Variants in SP4 observed in about 807,000 individuals in gnomAD.
SP4 encodes transcription factor Sp4.
A neutral mutation model predicts 72.8 loss-of-function variants in SP4; 19 were observed. The ratio of observed to expected loss-of-function variants is 0.26; its 90% CI spans 0.18 to 0.38. The LOEUF is 0.38. Among genes scored for constraint, SP4 ranks in the 10% least tolerant of loss-of-function variants. SP4 has a pLI of 1.00. For synonymous variants in SP4, 395 were observed against 333.1 expected, an observed-to-expected ratio of 1.19 and a Z score of -2.02; for missense variants, 1,008 against 926.3, an observed-to-expected ratio of 1.09 and a Z score of -1.14.
chr7:21,430,523 A>G lies in SP4; in HGVS notation c.1358A>G (p.Gln453Arg). 2 of 1,614,258 alleles carry G rather than the reference A, an allele frequency of 1.2e-6. No individual in the cohort carries two copies. Among genetic ancestry groups the G allele is most frequent in the African/African-American group, 1.3e-5 (1 of 75,066 alleles). The change falls in exon 3 of 6, where the codon CAG becomes CGG. Residue 453 changes from glutamine (Q) to arginine (R), a missense_variant. Transcript: ENST00000222584. The stretch of plus-strand genomic sequence containing the variant: ...CAACTTCAAGCAGTAAATCCGACTC[A>G]GGTGCTTATCAGGGCTCCAACTTTA... ...NVQLQAVNPT[Q>R]VLIRAPTLTP...
chr7:21,428,190 C>T lies in SP4; in HGVS notation c.-62C>T. 1.4e-6 allele frequency: 1 copy of T among 707,204 alleles called. No homozygotes were observed. The highest frequency in any genetic ancestry group is 2.4e-6 in the Non-Finnish European group (1 of 414,510). 43.8% of individuals were successfully genotyped at this position (707,204 alleles called of 1,614,324 possible). A position where few individuals can be genotyped will look rare whatever the true frequency, so the allele number is the denominator to read the frequency against. On this transcript the variant is annotated 5_prime_UTR_variant, in exon 1 of 6. Coordinates refer to ENST00000222584, the MANE Select transcript of SP4 (RefSeq NM_003112.5). Reference sequence around the variant, plus strand: ...GGACCGGCCTCTCCTCCCGCCTCGCCCCCACCCCCACCCACCTCTATCCCA... The same window carrying T: ...GGACCGGCCTCTCCTCCCGCCTCGCTCCCACCCCCACCCACCTCTATCCCA...
At chr7:21,508,648 T>C (rs1436086362) in intron 5 of SP4, among the ~76,000 whole-genome samples, 1 of 151,980 alleles carries the variant, frequency 6.6e-6, no homozygotes, top group Admixed American at 6.6e-5. Flanking sequence ...TGTTTGTTTT[T>C]TTAAGTAGGC....
At position 21,429,284 on chromosome 7, in the gene SP4, G is replaced by A. The variant is rs757424555; in HGVS notation, c.124-5G>A. On this transcript the variant is annotated splice_region_variant and splice_polypyrimidine_tract_variant and intron_variant, in intron 2 of 5. Coordinates refer to ENST00000222584, the MANE Select transcript of SP4 (RefSeq NM_003112.5). ...CCCTCTCCTTTACCGTCCCATTTTG[G>A]GTAGGACTCTCAGCCCTCTCCTCTG... The A allele has an allele frequency of 6.4e-7, 1 of 1,573,420 alleles. No homozygotes were observed. The highest frequency in any genetic ancestry group is 8.7e-7 in the Non-Finnish European group (1 of 1,152,920).
rs1015187079 is a variant in SP4 at position 21,473,711 on chromosome 7, G to A, written c.1679-3368G>A. Among the ~76,000 whole-genome samples the A allele has an allele frequency of 9.9e-5, 15 of 152,174 alleles. 1 individual carries two copies. Among genetic ancestry groups the A allele is most frequent in the African/African-American group, 3.4e-4 (14 of 41,436 alleles). On this transcript the variant is annotated intron_variant, in intron 3 of 5. Coordinates refer to ENST00000222584, the MANE Select transcript of SP4 (RefSeq NM_003112.5). ...ATTACAAAGGAATCAACTATGCAAA[G>A]ATCTGGGTGCAAAGGCATCCCCACT...
chr7:21,485,109 A>C (rs1215002131), intron 5 of SP4, among the ~76,000 whole-genome samples: 2 of 151,880 alleles, frequency 1.3e-5, no homozygotes, highest in Non-Finnish European at 2.9e-5. Flanking sequence ...TAACAGAGTA[A>C]CTCCTGTTTG....
intron 5 of SP4, among the ~76,000 whole-genome samples, chr7:21,494,457 C>T (rs1187684487): frequency 1.3e-5 from 2 of 152,182 alleles, no homozygotes; most frequent in Non-Finnish European, 2.9e-5. Context: ...AAATGTACAA[C>T]AGTGAATTGT....
rs752797178 is a variant in SP4 at position 21,429,261 on chromosome 7, CT to C, written c.124-27del. 6.6e-4 allele frequency: 863 copies of C among 1,301,422 alleles called. 1 individual carries two copies. Among genetic ancestry groups the C allele is most frequent in the African/African-American group, 4.6e-3 (284 of 62,070 alleles). 80.6% of individuals were successfully genotyped at this position (1,301,422 alleles called of 1,614,324 possible). A position where few individuals can be genotyped will look rare whatever the true frequency, so the allele number is the denominator to read the frequency against. On this transcript the variant is annotated intron_variant, in intron 2 of 5. Transcript: ENST00000222584. ...TCCGCCCACTTTTTTTCCCCCCCCC[CT>C]CTCCTTTACCGTCCCATTTTGGGTA...
rs751481798 is a variant in SP4, at chr7:21,430,174, A to T, written c.1009A>T (p.Thr337Ser). The change falls in exon 3 of 6, where the codon ACA becomes TCA. Residue 337 changes from threonine (T) to serine (S), a missense_variant. Physicochemically the swap from Thr to Ser is moderately conservative, Grantham distance 58. Coordinates refer to ENST00000222584, the MANE Select transcript of SP4 (RefSeq NM_003112.5). ...TTCAACGTCTTTGACAAGCAGTGAC[A>T]CATTAGTGAGCTCAGCAGATACTGG... ...TASTSLTSSDTLVSSADTGQY... is the reference protein window; with the variant it reads ...TASTSLTSSDSLVSSADTGQY... 1 of 1,614,180 alleles carries T rather than the reference A, an allele frequency of 6.2e-7. No individual in the cohort carries two copies. The highest frequency in any genetic ancestry group is 8.5e-7 in the Non-Finnish European group (1 of 1,180,026).
chr7:21,472,155 A>G (rs936345785), intron 3 of SP4, among the ~76,000 whole-genome samples: 6 of 152,358 alleles, frequency 3.9e-5, no homozygotes, highest in South Asian at 2.1e-4. Flanking sequence ...TGAGTTAATC[A>G]GCTTACACAT....
chr7:21,465,168 G>T (rs115586615), intron 3 of SP4, among the ~76,000 whole-genome samples: 2,029 of 152,128 alleles, frequency 0.013, 37 homozygotes, highest in African/African-American at 0.047. Context: ...GTACCAAAGA[G>T]GGTGTATATC....
At chr7:21,448,657 T>A (rs558359506) in intron 3 of SP4, among the ~76,000 whole-genome samples, 27 of 152,350 alleles carry the variant, frequency 1.8e-4, no homozygotes, top group Admixed American at 3.9e-4. Flanking sequence ...GAGGATTAAA[T>A]GGAGTAATAT....
intron 5 of SP4, among the ~76,000 whole-genome samples, chr7:21,498,291 GGT>G (rs1347119921): frequency 1.3e-5 from 2 of 152,130 alleles, no homozygotes; most frequent in African/African-American, 4.8e-5. Context: ...GATGTGTGTA[GGT>G]TATATGCAAA....
intron 3 of SP4, among the ~76,000 whole-genome samples, chr7:21,439,980 T>C (rs1783189345): frequency 6.6e-6 from 1 of 152,242 alleles, no homozygotes; most frequent in African/African-American, 2.4e-5. Flanking sequence ...TTCAGATTTA[T>C]GAAGCTTCTC....
chr7:21,498,410 T>C (rs1781778921), intron 5 of SP4, among the ~76,000 whole-genome samples: 1 of 152,160 alleles, frequency 6.6e-6, no homozygotes, highest in Non-Finnish European at 1.5e-5. Flanking sequence ...TATCTACTTT[T>C]ACCCCCAGGT....
intron 3 of SP4, among the ~76,000 whole-genome samples, chr7:21,475,502 C>G (rs1447440653): frequency 1.3e-5 from 2 of 151,844 alleles, no homozygotes; most frequent in African/African-American, 2.4e-5. Context: ...GAGTCTCGCT[C>G]TGTCGCCCAG....
At position 21,429,789 on chromosome 7, in the gene SP4, C is replaced by T. The variant is rs769852587; in HGVS notation, c.624C>T (p.Leu208=). 1 of 1,614,146 alleles carries T rather than the reference C, an allele frequency of 6.2e-7. No individual in the cohort carries two copies. Among genetic ancestry groups the T allele is most frequent in the Admixed American group, 1.7e-5 (1 of 60,032 alleles). Residue 208 remains leucine (L), a synonymous_variant, in exon 3 of 6, where the codon CTC becomes CTT. Coordinates refer to ENST00000222584, the MANE Select transcript of SP4 (RefSeq NM_003112.5). ...LISAGNNQAI[L]TAANRTASGN... ...CTGCAGGTAATAATCAAGCTATACT[C>T]ACAGCTGCTAACAGGACAGCTTCTG...
At chr7:21,510,938 A>G (rs1782124951) in intron 5 of SP4, 84 bp from the exon 6 acceptor site, 22 of 1,339,536 alleles carry the variant, frequency 1.6e-5, no homozygotes, top group Non-Finnish European at 2.3e-5. Flanking sequence ...AAGTCATATA[A>G]TGTGACCAGA....
chr7:21,494,738 T>C (rs1164603683), intron 5 of SP4, among the ~76,000 whole-genome samples: 1 of 152,196 alleles, frequency 6.6e-6, no homozygotes, highest in South Asian at 2.1e-4. Flanking sequence ...ATAATCCTTC[T>C]CATAATTCCA....
chr7:21,445,925 ATAGT>A (rs1189365135), intron 3 of SP4, among the ~76,000 whole-genome samples: 12 of 152,194 alleles, frequency 7.9e-5, no homozygotes, highest in Non-Finnish European at 1.2e-4. Flanking sequence ...CGAAAATAGA[ATAGT>A]TAATTTAGTC....
Sources: gnomAD v4.1 joint callset for allele counts (sites outside exome capture counted in the v4.1 genomes callset) on GRCh38, gnomAD v4.1.1 for gene constraint, MANE v1.5 for transcripts, NCBI Gene and HGNC (gene_info 2026-07-23, HGNC 2026-07-21) for gene names.